The following TSPAN12 variants were observed in gnomAD, a reference collection of about 807,000 sequenced individuals.
The protein encoded by TSPAN12 is tetraspanin 12, also known as tetraspanin-12.
In TSPAN12, 19 loss-of-function variants were observed where a neutral mutation model predicts 39.2. The observed-to-expected ratio is 0.49, with a 90% CI of 0.34 to 0.71. The LOEUF is 0.71. Ranked by LOEUF, TSPAN12 falls within the 30% of genes least tolerant of loss-of-function variation. TSPAN12 has a pLI of 0.01. For missense variants in TSPAN12, 314 were observed against 359.9 expected, an observed-to-expected ratio of 0.87 and a Z score of 1.03; for synonymous variants, 119 against 124.8, an observed-to-expected ratio of 0.95 and a Z score of 0.31.
intron 4 of TSPAN12, among the ~76,000 whole-genome samples, chr7:120,821,879 T>G (rs866428606): frequency 6.6e-6 from 1 of 152,132 alleles, no homozygotes; most frequent in Admixed American, 6.6e-5. Context: ...GGGTGTCTAA[T>G]CCCAAAGGCT....
At chr7:120,800,148 C>T (rs941361958) in intron 7 of TSPAN12, among the ~76,000 whole-genome samples, 7 of 151,928 alleles carry the variant, frequency 4.6e-5, no homozygotes, top group African/African-American at 1.7e-4. Flanking sequence ...ATAGAGGAGA[C>T]AGGTGAGAGC....
intron 7 of TSPAN12, among the ~76,000 whole-genome samples, chr7:120,795,994 C>T (rs1232292690): frequency 5.9e-5 from 9 of 152,188 alleles, no homozygotes; most frequent in South Asian, 2.1e-4. Context: ...ATTTAACCCT[C>T]GCAATATCCC....
chr7:120,808,341 G>A (rs1584930644), intron 6 of TSPAN12, among the ~76,000 whole-genome samples: 1 of 152,248 alleles, frequency 6.6e-6, no homozygotes, highest in South Asian at 2.1e-4. Flanking sequence ...TTCTTCAACA[G>A]AAGATAATGA....
chr7:120,800,749 T>TTG (rs1435258717), intron 7 of TSPAN12, among the ~76,000 whole-genome samples: 5 of 143,414 alleles, frequency 3.5e-5, no homozygotes, highest in South Asian at 2.4e-4. Flanking sequence ...TTATCGTTTT[T>TTG]TTTTGTTTTT....
At chr7:120,827,917 G>C (rs1398770555) in intron 4 of TSPAN12, among the ~76,000 whole-genome samples, 1 of 152,120 alleles carries the variant, frequency 6.6e-6, no homozygotes, top group African/African-American at 2.4e-5. Context: ...CTTTGTGCTG[G>C]CTTGTTTCCC....
chr7:120,815,654 T>C (rs1794064901), intron 5 of TSPAN12, 75 bp downstream of exon 5: 2 of 1,319,600 alleles, frequency 1.5e-6, no homozygotes, highest in Non-Finnish European at 2.1e-6. Flanking sequence ...GGAGTGAAAA[T>C]GAACTAACAC....
At chr7:120,813,413 C>A (rs1794020114) in intron 5 of TSPAN12, among the ~76,000 whole-genome samples, 1 of 152,204 alleles carries the variant, frequency 6.6e-6, no homozygotes, top group Non-Finnish European at 1.5e-5. Context: ...GAGCTATTTG[C>A]AGATGGCCTC....
intron 5 of TSPAN12, chr7:120,814,275 C>G (rs1206717006): frequency 2.2e-6 from 1 of 456,516 alleles, no homozygotes; most frequent in Non-Finnish European, 4.4e-6. Flanking sequence ...TAATCTTTCT[C>G]TCTTCTGGAG....
intron 4 of TSPAN12, among the ~76,000 whole-genome samples, chr7:120,829,955 C>G (rs1015829152): frequency 1.3e-5 from 2 of 151,960 alleles, no homozygotes; most frequent in Admixed American, 6.6e-5. Context: ...TCATAAAGAC[C>G]CAACACTAAG....
intron 2 of TSPAN12, among the ~76,000 whole-genome samples, chr7:120,853,035 T>G (rs797016112): frequency 2.0e-4 from 30 of 152,074 alleles, no homozygotes; most frequent in African/African-American, 6.5e-4. Context: ...AAAATCAGTT[T>G]CCCTAAAATT....
intron 2 of TSPAN12, among the ~76,000 whole-genome samples, chr7:120,855,389 T>A (rs544542454): frequency 6.6e-6 from 1 of 152,284 alleles, no homozygotes; most frequent in South Asian, 2.1e-4. Context: ...ATTCTATAAT[T>A]AAAAAGCACA....
At chr7:120,818,227 T>C (rs1458728748) in intron 4 of TSPAN12, among the ~76,000 whole-genome samples, 1 of 152,102 alleles carries the variant, frequency 6.6e-6, no homozygotes, top group East Asian at 1.9e-4. Flanking sequence ...CGTTATGATG[T>C]GCCAAGAAAC....
chr7:120,817,831 C>T (rs1225139183), intron 4 of TSPAN12, among the ~76,000 whole-genome samples: 3 of 152,070 alleles, frequency 2.0e-5, no homozygotes, highest in East Asian at 1.9e-4. Flanking sequence ...CAGGTAGTGA[C>T]GATTTGTGAA....
intron 1 of TSPAN12, chr7:120,857,058 G>A (rs1231288446): frequency 3.0e-5 from 15 of 496,732 alleles, no homozygotes; most frequent in Admixed American, 9.8e-5. Flanking sequence ...AAAGAAAAGA[G>A]CAACTATCCG....
rs74998746 is a variant in TSPAN12 at position 120,813,016 on chromosome 7, A to C, written c.361-2446T>G. Among the ~76,000 whole-genome samples the C allele has an allele frequency of 2.6e-4, 39 of 152,244 alleles. 2 individuals carry two copies. In the East Asian group the frequency reaches 6.8e-3, roughly 26 times the overall value. The stretch of plus-strand genomic sequence containing the variant: ...TTGTTTCCTTATTGTGACCACTATC[A>C]ATCTGAGACCAAATGTGGAAGAAAA... On this transcript the variant is annotated intron_variant, in intron 5 of 7. Coordinates refer to ENST00000222747, the MANE Select transcript of TSPAN12 (RefSeq NM_012338.4).
At chr7:120,853,955 A>G (rs1794821239) in intron 2 of TSPAN12, among the ~76,000 whole-genome samples, 1 of 152,186 alleles carries the variant, frequency 6.6e-6, no homozygotes. Flanking sequence ...ATAGAAACAG[A>G]TAACATAAAT....
intron 7 of TSPAN12, among the ~76,000 whole-genome samples, chr7:120,795,600 A>C (rs1309606110): frequency 6.6e-6 from 1 of 152,236 alleles, no homozygotes; most frequent in African/African-American, 2.4e-5. Context: ...TAAAGTGTAA[A>C]TAAAATCTAG....
chr7:120,850,255 A>T (rs953121508), intron 2 of TSPAN12, among the ~76,000 whole-genome samples: 23 of 152,192 alleles, frequency 1.5e-4, no homozygotes, highest in African/African-American at 4.8e-4. Context: ...TTTCCTATAG[A>T]TAGGGTGACC....
At position 120,789,953 on chromosome 7, in the gene TSPAN12, G is replaced by T. The variant is rs190815918; in HGVS notation, c.613-1056C>A. Among the ~76,000 whole-genome samples the T allele has an allele frequency of 1.5e-3, 230 of 152,190 alleles. 4 individuals are homozygous for T. Among genetic ancestry groups the T allele is most frequent in the East Asian group, 0.011 (59 of 5,160 alleles). On this transcript the variant is annotated intron_variant, in intron 7 of 7. Transcript: ENST00000222747. ...GTAGAGGACCATCTGCACAATAAAA[G>T]ATTAGGGTGGGGGGTGGCCAGATTT...
Sources: allele counts gnomAD v4.1 joint callset (sites outside exome capture counted in the v4.1 genomes callset), GRCh38; gene constraint gnomAD v4.1.1; transcripts MANE v1.5; gene names NCBI Gene and HGNC (gene_info 2026-07-23, HGNC 2026-07-21).